The following EBF3 variants were observed in gnomAD, a reference collection of about 807,000 sequenced individuals.
EBF3 encodes the protein EBF transcription factor 3, also known as transcription factor COE3.
In EBF3, 18 loss-of-function variants were observed where a neutral mutation model predicts 77.1. That is an observed-to-expected ratio of 0.23 (90% CI 0.16 to 0.35). EBF3 has a LOEUF of 0.35. Among genes scored for constraint, EBF3 ranks in the 10% least tolerant of loss-of-function variants. EBF3 has a pLI of 1.00. For synonymous variants in EBF3, 350 were observed against 343.5 expected (o/e 1.02, Z -0.21); for missense variants, 558 against 860.0 (o/e 0.65, Z 4.39).
At chr10:129,893,029 C>T (rs909565922) in intron 6 of EBF3, among the ~76,000 whole-genome samples, 7 of 152,194 alleles carry the variant, frequency 4.6e-5, no homozygotes, top group Admixed American at 2.0e-4. Flanking sequence ...GAGAGCAGGG[C>T]GCTGGGCCCT....
chr10:129,837,991 C>T (rs754235541), intron 16 of EBF3, 31 bp from the exon 17 acceptor site: 2 of 1,613,742 alleles, frequency 1.2e-6, no homozygotes, highest in Non-Finnish European at 1.7e-6. Context: ...GCAGTTACTG[C>T]AGGCTCCCCC....
intron 16 of EBF3, 107 bp downstream of exon 16, chr10:129,838,975 TG>T: frequency 9.3e-7 from 1 of 1,071,890 alleles, no homozygotes; most frequent in Non-Finnish European, 1.3e-6. Flanking sequence ...GACCCTGGTG[TG>T]GTGCCCGCTG....
chr10:129,918,725 A>T (rs942910753), intron 6 of EBF3, among the ~76,000 whole-genome samples: 1 of 152,212 alleles, frequency 6.6e-6, no homozygotes, highest in Non-Finnish European at 1.5e-5. Flanking sequence ...ATCTGTGTGC[A>T]CATGCAGGTG....
Position 129,938,123 on chromosome 10 carries a change from G to A in EBF3, c.554+19135C>T, listed in dbSNP as rs1857484098. On this transcript the variant is annotated intron_variant, in intron 6 of 16. Coordinates refer to ENST00000440978, the MANE Select transcript of EBF3 (RefSeq NM_001375380.1). This position sits in a 1 kb window ranked among gnomAD's most constrained non-coding sequence, Gnocchi z 5.1. ...TGTCCTTCAGCAGCACCTGGCAGGAGACTCTCTTCTGCTCCTGCTGAGTTT... is the reference window on the plus strand; with the variant it reads ...TGTCCTTCAGCAGCACCTGGCAGGAAACTCTCTTCTGCTCCTGCTGAGTTT... 6.6e-6 allele frequency among the ~76,000 whole-genome samples: 1 copy of A among 152,192 alleles called. No individual in the cohort carries two copies. The highest frequency in any genetic ancestry group is 6.5e-5 in the Admixed American group (1 of 15,272).
At chr10:129,914,521 C>T (rs903264493) in intron 6 of EBF3, among the ~76,000 whole-genome samples, 8 of 152,210 alleles carry the variant, frequency 5.3e-5, no homozygotes, top group Middle Eastern at 3.4e-3. Context: ...GCAAAATGGC[C>T]GAAAACAAAG....
chr10:129,963,594 C>G lies in EBF3; in HGVS notation c.134+41G>C, dbSNP rs1859707697. The G allele has an allele frequency of 8.0e-7, 1 of 1,243,838 alleles. No homozygotes were observed. The allele number at this position is 1,243,838 out of a possible 1,614,324, so 77.1% of individuals were successfully genotyped here. ...GCCGGCGGAGGGGGCCGGGCCGGGC[C>G]GGGGCCGGGGCCAGGGCGCGCGGGG... On this transcript the variant is annotated intron_variant, in intron 1 of 16. Coordinates refer to ENST00000440978, the MANE Select transcript of EBF3 (RefSeq NM_001375380.1). This position sits in a 1 kb window ranked among gnomAD's most constrained non-coding sequence, Gnocchi z 7.1.
At chr10:129,869,664 T>C (rs1467767801) in intron 8 of EBF3, among the ~76,000 whole-genome samples, 1 of 152,212 alleles carries the variant, frequency 6.6e-6, no homozygotes, top group African/African-American at 2.4e-5. Context: ...TAATCACCAT[T>C]AGCTATTGTT....
Position 129,861,295 on chromosome 10 carries a change from T to G in EBF3, c.1039+5846A>C, listed in dbSNP as rs1589727837. Among the ~76,000 whole-genome samples, 1 of 152,172 alleles carries G rather than the reference T, an allele frequency of 6.6e-6. No homozygotes were observed. The highest frequency in any genetic ancestry group is 2.4e-5 in the African/African-American group (1 of 41,502). ...GGGCCTCACTCCCAGGGGAAGGGGC[T>G]GAGGCACAGATGCACGCCACCCCAC... On this transcript the variant is annotated intron_variant, in intron 10 of 16. Transcript: ENST00000440978. The surrounding 1 kb of genome is among the most constrained non-coding windows in gnomAD (Gnocchi z 4.3).
chr10:129,914,730 G>C (rs1201794095), intron 6 of EBF3, among the ~76,000 whole-genome samples: 1 of 152,192 alleles, frequency 6.6e-6, no homozygotes. Context: ...AGAGCCACCT[G>C]CATGGGAGAC....
intron 7 of EBF3, 127 bp from the exon 8 acceptor site, chr10:129,873,723 T>C: frequency 9.6e-7 from 1 of 1,036,688 alleles, no homozygotes; most frequent in Non-Finnish European, 1.3e-6. Flanking sequence ...TGGACACTGT[T>C]GATCGATGTG....
intron 8 of EBF3, among the ~76,000 whole-genome samples, chr10:129,869,775 G>T (rs1852285904): frequency 6.6e-6 from 1 of 152,224 alleles, no homozygotes; most frequent in Non-Finnish European, 1.5e-5. Context: ...CTCCGCAGCA[G>T]AGGCGCAGAG....
chr10:129,892,731 AAAGT>A (rs1363436367), intron 6 of EBF3, among the ~76,000 whole-genome samples: 1 of 152,210 alleles, frequency 6.6e-6, no homozygotes, highest in Non-Finnish European at 1.5e-5. Context: ...ATCTAATCAG[AAAGT>A]AAGCCTGCTT....
At chr10:129,889,856 C>A (rs969112158) in intron 6 of EBF3, among the ~76,000 whole-genome samples, 1 of 149,818 alleles carries the variant, frequency 6.7e-6, no homozygotes, top group Non-Finnish European at 1.5e-5. Flanking sequence ...GCAGAGGCAG[C>A]CCCCGACCAC....
rs768796882 is a variant in EBF3, at chr10:129,842,341, C to T, written c.1195-48G>A. ...CCGGCCTGTCACCCCAGGCCCGGCC[C>T]AGCTGGCCGCACTCTCGGGGGCCCA... On this transcript the variant is annotated intron_variant, in intron 12 of 16. Coordinates refer to ENST00000440978, the MANE Select transcript of EBF3 (RefSeq NM_001375380.1). This position sits in a 1 kb window ranked among gnomAD's most constrained non-coding sequence, Gnocchi z 4.4. 1.7e-5 allele frequency: 26 copies of T among 1,531,484 alleles called. No individual in the cohort carries two copies. In the East Asian group the frequency reaches 6.0e-4, roughly 36 times the overall value. The allele number at this position is 1,531,484 out of a possible 1,614,324, so 94.9% of individuals were successfully genotyped here.
At chr10:129,838,885 C>T (rs1030650132) in intron 16 of EBF3, among the ~76,000 whole-genome samples, 198 bp downstream of exon 16, 9 of 152,346 alleles carry the variant, frequency 5.9e-5, no homozygotes, top group African/African-American at 1.7e-4. Flanking sequence ...GTACACACCG[C>T]GTAGGAGGTG....
intron 6 of EBF3, among the ~76,000 whole-genome samples, chr10:129,933,859 C>T (rs1290037077): frequency 6.6e-6 from 1 of 152,164 alleles, no homozygotes; most frequent in Non-Finnish European, 1.5e-5. Context: ...CCTGGCCACG[C>T]TGGGCGCCAG....
chr10:129,892,309 T>C (rs79276734), intron 6 of EBF3, among the ~76,000 whole-genome samples: 1,754 of 152,120 alleles, frequency 0.012, 43 homozygotes, highest in African/African-American at 0.04. Flanking sequence ...CACATGCCCC[T>C]GCTTTGGAAC....
chr10:129,898,985 C>T (rs1449979172), intron 6 of EBF3, among the ~76,000 whole-genome samples: 1 of 152,220 alleles, frequency 6.6e-6, no homozygotes, highest in Non-Finnish European at 1.5e-5. Context: ...AAAAAGTTCT[C>T]GAGACAGATT....
At position 129,836,502 on chromosome 10, in the gene EBF3, T is replaced by C. The variant is rs185316522; in HGVS notation, c.*1441A>G. The C allele has an allele frequency of 1.0e-4, 16 of 152,700 alleles. No individual in the cohort carries two copies. The East Asian group carries it at 2.9e-3, about 28-fold the overall frequency. 9.5% of individuals were successfully genotyped at this position (152,700 alleles called of 1,614,324 possible). A position where few individuals can be genotyped will look rare whatever the true frequency, so the allele number is the denominator to read the frequency against. On this transcript the variant is annotated 3_prime_UTR_variant, in exon 17 of 17. Coordinates refer to ENST00000440978, the MANE Select transcript of EBF3 (RefSeq NM_001375380.1). ...GTCACGGCCGGGTGGCACCGATTTG[T>C]TTTGACTATACAACAAACTTTTTTT...
Sources: allele counts gnomAD v4.1 joint callset (sites outside exome capture counted in the v4.1 genomes callset), GRCh38; gene constraint gnomAD v4.1.1; non-coding constraint Gnocchi (gnomAD v3.1); transcripts MANE v1.5; gene names NCBI Gene and HGNC (gene_info 2026-07-23, HGNC 2026-07-21).